KIAA0408: variants seen among roughly 807,000 people sequenced by gnomAD.
KIAA0408 encodes the protein KIAA0408.
In KIAA0408, 51 loss-of-function variants were observed where a neutral mutation model predicts 60.9. That is an observed-to-expected ratio of 0.84 (90% CI 0.67 to 1.06). The LOEUF (loss-of-function observed/expected upper bound fraction) is 1.06, where lower values mean the gene tolerates loss of function less well. Ranked by LOEUF, KIAA0408 falls within the 50% of genes least tolerant of loss-of-function variation. KIAA0408 has a pLI of 0.00. For synonymous variants in KIAA0408, 304 were observed against 282.4 expected (o/e 1.08, Z -0.77); for missense variants, 787 against 833.9 (o/e 0.94, Z 0.69).
intron 2 of KIAA0408, among the ~76,000 whole-genome samples, chr6:127,453,310 A>G (rs545611297): frequency 1.3e-5 from 2 of 152,132 alleles, no homozygotes; most frequent in South Asian, 4.2e-4. Context: ...TCCAATAAAT[A>G]TGCCACTAAA....
chr6:127,447,557 A>T lies in KIAA0408; in HGVS notation c.762T>A (p.Ile254=). The T allele has an allele frequency of 6.2e-7, 1 of 1,611,304 alleles. No individual in the cohort carries two copies. Among genetic ancestry groups the T allele is most frequent in the African/African-American group, 1.3e-5 (1 of 74,702 alleles). The part of the protein sequence containing the change: ...LQSNSTKKCG[I]DTIDLKRNET... ...CATTTCTTTTTAAATCGATTGTATC[A>T]ATTCCACATTTTTTCGTAGAATTGC... Residue 254 remains isoleucine (I), a synonymous_variant, in exon 5 of 6, where the codon ATT becomes ATA. Transcript: ENST00000483725.
Position 127,441,405 on chromosome 6 carries a change from C to A in KIAA0408, c.*2704G>T, listed in dbSNP as rs946947540. 16 of 151,600 alleles carry A rather than the reference C, an allele frequency of 1.1e-4. No homozygotes were observed. The highest frequency in any genetic ancestry group is 3.9e-4 in the African/African-American group (16 of 40,948). 9.4% of individuals were successfully genotyped at this position (151,600 alleles called of 1,614,324 possible). ...ATATGGAGAACTTATGTGACACTGA[C>A]ACAAACACACACACACACACACACA... On this transcript the variant is annotated 3_prime_UTR_variant, in exon 6 of 6. Coordinates refer to ENST00000483725, the MANE Select transcript of KIAA0408 (RefSeq NM_014702.5).
rs1235954844 is a variant in KIAA0408 at position 127,440,963 on chromosome 6, T to A, written c.*3146A>T. The A allele has an allele frequency of 6.6e-6, 1 of 152,134 alleles. No individual in the cohort carries two copies. Among genetic ancestry groups the A allele is most frequent in the African/African-American group, 2.4e-5 (1 of 41,424 alleles). The allele number at this position is 152,134 out of a possible 1,614,324, so 9.4% of individuals were successfully genotyped here. A position where few individuals can be genotyped will look rare whatever the true frequency, so the allele number is the denominator to read the frequency against. ...TGTACATATATGAGTTTAGATTTCA[T>A]AAGACACTTAGCTTTACTGGAGTTC... On this transcript the variant is annotated 3_prime_UTR_variant, in exon 6 of 6. Transcript: ENST00000483725.
rs1773107431 is a variant in KIAA0408, at chr6:127,441,489, A to G, written c.*2620T>C. On this transcript the variant is annotated 3_prime_UTR_variant, in exon 6 of 6. Coordinates refer to ENST00000483725, the MANE Select transcript of KIAA0408 (RefSeq NM_014702.5). ...TATTCCTTTCTGAGATCAGCCCATA[A>G]TATCAGTAATCCTCTGCTGAACTAA... is the stretch of plus-strand genomic sequence containing the variant. The G allele has an allele frequency of 1.3e-5, 2 of 152,482 alleles. No individual in the cohort carries two copies. The highest frequency in any genetic ancestry group is 4.8e-5 in the African/African-American group (2 of 41,410). 9.4% of individuals were successfully genotyped at this position (152,482 alleles called of 1,614,324 possible). A position where few individuals can be genotyped will look rare whatever the true frequency, so the allele number is the denominator to read the frequency against.
In KIAA0408 at chr6:127,446,831, T is replaced by C. The variant is rs61735562; in HGVS notation, c.1488A>G (p.Lys496=). The change falls in exon 5 of 6, where the codon AAA becomes AAG. Residue 496 remains lysine (K), a synonymous_variant. Coordinates refer to ENST00000483725, the MANE Select transcript of KIAA0408 (RefSeq NM_014702.5). Reference sequence around the variant, plus strand: ...TGGGCACAGGCATGTGGGCATTGGTTTTCCAAATACCGGACACATCGTTAC... The same window carrying C: ...TGGGCACAGGCATGTGGGCATTGGTCTTCCAAATACCGGACACATCGTTAC... ...SQSNDVSGIW[K]TNAHMPVPME... 2.7e-3 allele frequency: 4,313 copies of C among 1,614,014 alleles called. 111 individuals are homozygous for C. The African/African-American group carries it at 0.051, about 19-fold the overall frequency.
chr6:127,454,808 A>G (rs543201233), intron 1 of KIAA0408, among the ~76,000 whole-genome samples: 1 of 152,276 alleles, frequency 6.6e-6, no homozygotes, highest in East Asian at 1.9e-4. Flanking sequence ...TGCTTAGGAT[A>G]TTGAATACAG....
chr6:127,449,957 G>C (rs777413168), intron 3 of KIAA0408, 33 bp downstream of exon 3: 1 of 1,613,804 alleles, frequency 6.2e-7, no homozygotes, highest in Non-Finnish European at 8.5e-7. Flanking sequence ...TATTTCTTTA[G>C]AAACAGTTCT....
Position 127,446,485 on chromosome 6 carries a change from G to A in KIAA0408, c.1834C>T (p.Gln612Ter). Residue 612 changes from glutamine to a stop codon, truncating the protein, a stop_gained, in exon 5 of 6, where the codon CAA (glutamine) becomes TAA (stop). Coordinates refer to ENST00000483725, the MANE Select transcript of KIAA0408 (RefSeq NM_014702.5). LOFTEE classifies it high-confidence loss of function. Reference sequence around the variant, plus strand: ...ACAGCTGTCTTTTGCTGAAACTGTTGTTCCATTTGGAGCATTTCTAAATGC... The same window carrying A: ...ACAGCTGTCTTTTGCTGAAACTGTTATTCCATTTGGAGCATTTCTAAATGC... ...SQHLEMLQMEQQFQQKTAVWG... is the reference protein window; with the variant it reads ...SQHLEMLQME 6.2e-7 allele frequency: 1 copy of A among 1,613,986 alleles called. No homozygotes were observed. Among genetic ancestry groups the A allele is most frequent in the Non-Finnish European group, 8.5e-7 (1 of 1,179,986 alleles).
chr6:127,450,197 G>C lies in KIAA0408; in HGVS notation c.291C>G (p.His97Gln), dbSNP rs527395516. ...LGQSEFIRTN[H>Q]KDGLRKENKR... ...TATTTTCTTTTCTCAGACCATCTTT[G>C]TGATTCGTCCTTATAAATTCACTTT... Residue 97 changes from histidine to glutamine, a missense_variant, in exon 3 of 6, where the codon CAC (histidine) becomes CAG (glutamine). His to Gln is a conservative substitution (Grantham distance 24). Coordinates refer to ENST00000483725, the MANE Select transcript of KIAA0408 (RefSeq NM_014702.5). The C allele has an allele frequency of 6.2e-7, 1 of 1,613,812 alleles. No individual in the cohort carries two copies. Among genetic ancestry groups the C allele is most frequent in the South Asian group, 1.1e-5 (1 of 91,058 alleles).
rs1232161732 is a variant in KIAA0408, at chr6:127,447,456, C to G, written c.863G>C (p.Arg288Thr). The change falls in exon 5 of 6, where the codon AGA becomes ACA. Residue 288 changes from arginine to threonine, a missense_variant. Physicochemically the swap from Arg to Thr is moderately conservative, Grantham distance 71. Transcript: ENST00000483725. The stretch of plus-strand genomic sequence containing the variant: ...GTTGTGGTCTAACCTTTCCTTCCAT[C>G]TTTCATAGGCTTGTTCAGAATCCGA... ...PSSDSEQAYE[R>T]WKERLDHNSW... 6.2e-7 allele frequency: 1 copy of G among 1,614,014 alleles called. No homozygotes were observed. Among genetic ancestry groups the G allele is most frequent in the East Asian group, 2.2e-5 (1 of 44,874 alleles).
chr6:127,447,644 G>T lies in KIAA0408; in HGVS notation c.675C>A (p.Ile225=). ...MINNDQCILP[I]SLEKEKQKNR... is the part of the protein sequence containing the mutation. ...TTTTCTGTTTTTCTTTTTCTAAACT[G>T]ATTGGAAGAATGCACTGGTCATTGT... is the stretch of plus-strand genomic sequence containing the variant. Residue 225 remains isoleucine (I), a synonymous_variant, in exon 5 of 6, where the codon ATC becomes ATA. Coordinates refer to ENST00000483725, the MANE Select transcript of KIAA0408 (RefSeq NM_014702.5). 1.2e-6 allele frequency: 2 copies of T among 1,612,364 alleles called. No individual in the cohort carries two copies. The highest frequency in any genetic ancestry group is 1.7e-6 in the Non-Finnish European group (2 of 1,179,500).
Position 127,444,090 on chromosome 6 carries a change from A to T in KIAA0408, c.*19T>A. 6.2e-7 allele frequency: 1 copy of T among 1,612,496 alleles called. No individual in the cohort carries two copies. Among genetic ancestry groups the T allele is most frequent in the Non-Finnish European group, 8.5e-7 (1 of 1,178,834 alleles). The stretch of plus-strand genomic sequence containing the variant: ...AGTGGGACTAGAACTTCTGTAATAT[A>T]GCAATCCAGGCCAAAGACTTAAACC... On this transcript the variant is annotated 3_prime_UTR_variant, in exon 6 of 6. Coordinates refer to ENST00000483725, the MANE Select transcript of KIAA0408 (RefSeq NM_014702.5).
chr6:127,452,397 A>T (rs950515811), intron 2 of KIAA0408, among the ~76,000 whole-genome samples: 7 of 152,268 alleles, frequency 4.6e-5, no homozygotes, highest in African/African-American at 1.7e-4. Context: ...AAGATAAAAA[A>T]ATATGACAGC....
In KIAA0408 at chr6:127,443,043, A is replaced by G. The variant is rs1443970758; in HGVS notation, c.*1066T>C. ...TAATTTCAGCTTTCAAAGAAATATT[A>G]TTCCTGATCTTCCTTGTTAGTAAAA... is the stretch of plus-strand genomic sequence containing the variant. On this transcript the variant is annotated 3_prime_UTR_variant, in exon 6 of 6. Transcript: ENST00000483725. 6.6e-6 allele frequency: 1 copy of G among 152,152 alleles called. No homozygotes were observed. Among genetic ancestry groups the G allele is most frequent in the Non-Finnish European group, 1.5e-5 (1 of 67,996 alleles). 9.4% of individuals were successfully genotyped at this position (152,152 alleles called of 1,614,324 possible). A position where few individuals can be genotyped will look rare whatever the true frequency, so the allele number is the denominator to read the frequency against.
At position 127,447,059 on chromosome 6, in the gene KIAA0408, G is replaced by A; in HGVS notation, c.1260C>T (p.Ser420=). The change falls in exon 5 of 6, where the codon AGC becomes AGT. Residue 420 remains serine, a synonymous_variant. Transcript: ENST00000483725. ...DCSSSVAESS[S]PLRNFSCGFE... is the part of the protein sequence containing the mutation. ...AGCCACAACTGAAATTTCTAAGTGG[G>A]CTACTGCTCTCTGCTACTGAGGAGC... The A allele has an allele frequency of 1.9e-6, 3 of 1,613,504 alleles. No individual in the cohort carries two copies. The South Asian group carries it at 3.3e-5, about 18-fold the overall frequency.
At chr6:127,457,866 T>C (rs889339026) in intron 1 of KIAA0408, among the ~76,000 whole-genome samples, 1 of 152,212 alleles carries the variant, frequency 6.6e-6, no homozygotes, top group East Asian at 1.9e-4. Context: ...AACTCGCCCA[T>C]TGAAAACTGG....
intron 2 of KIAA0408, among the ~76,000 whole-genome samples, chr6:127,453,240 G>A (rs1773332570): frequency 6.6e-6 from 1 of 151,940 alleles, no homozygotes; most frequent in African/African-American, 2.4e-5. Context: ...CTGAGGGAGG[G>A]TTAACGGGAA....
In KIAA0408 at chr6:127,443,939, C is replaced by A; in HGVS notation, c.*170G>T. 1 of 612,558 alleles carries A rather than the reference C, an allele frequency of 1.6e-6. No individual in the cohort carries two copies. Among genetic ancestry groups the A allele is most frequent in the South Asian group, 2.2e-5 (1 of 46,434 alleles). 37.9% of individuals were successfully genotyped at this position (612,558 alleles called of 1,614,324 possible). A position where few individuals can be genotyped will look rare whatever the true frequency, so the allele number is the denominator to read the frequency against. ...ATTAAAAAATTCTGATCTAAGAAAT[C>A]AAAATGCAGGAAGATAATTATTCCT... is the stretch of plus-strand genomic sequence containing the variant. On this transcript the variant is annotated 3_prime_UTR_variant, in exon 6 of 6. Coordinates refer to ENST00000483725, the MANE Select transcript of KIAA0408 (RefSeq NM_014702.5).
At position 127,449,239 on chromosome 6, in the gene KIAA0408, T is replaced by G. The variant is rs547706483; in HGVS notation, c.578+583A>C. Among the ~76,000 whole-genome samples, 11 of 152,330 alleles carry G rather than the reference T, an allele frequency of 7.2e-5. No individual in the cohort carries two copies. The South Asian group carries it at 2.3e-3, about 32-fold the overall frequency. On this transcript the variant is annotated intron_variant, in intron 4 of 5. Transcript: ENST00000483725. ...AAGAACTACTTTAGAGGTTACTTACTGATTTTTTATGGAGGGTCTACCTTA... is the reference window on the plus strand; with the variant it reads ...AAGAACTACTTTAGAGGTTACTTACGGATTTTTTATGGAGGGTCTACCTTA...
Sources: gnomAD v4.1 joint callset for allele counts (sites outside exome capture counted in the v4.1 genomes callset) on GRCh38, gnomAD v4.1.1 for gene constraint, MANE v1.5 for transcripts, NCBI Gene and HGNC (gene_info 2026-07-23, HGNC 2026-07-21) for gene names.